UBE2L3: variants seen among roughly 807,000 people sequenced by gnomAD.
UBE2L3 encodes ubiquitin-conjugating enzyme E2 L3.
A neutral mutation model predicts 17.8 loss-of-function variants in UBE2L3; 1 was observed. That is an observed-to-expected ratio of 0.06 (90% CI 0.02 to 0.27). The LOEUF (loss-of-function observed/expected upper bound fraction) is 0.27. UBE2L3 is among the 10% of genes least tolerant of loss of function. The probability of loss-of-function intolerance (pLI) is 1.00; values close to 1 mark genes in which losing one functional copy is unlikely to be tolerated. For missense variants in UBE2L3, 40 were observed against 192.6 expected (o/e 0.21, Z 4.69); for synonymous variants, 44 against 68.5 (o/e 0.64, Z 1.76).
chr22:21,563,434 C>A (rs1158713851), upstream of UBE2L3, among the ~76,000 whole-genome samples: 1 of 143,232 alleles, frequency 7.0e-6, no homozygotes, highest in East Asian at 2.1e-4. Flanking sequence ...TGGTGGCGGG[C>A]TCCCGTAGTC....
At chr22:21,582,924 A>C (rs1189814684) in intron 1 of UBE2L3, among the ~76,000 whole-genome samples, 1 of 152,154 alleles carries the variant, frequency 6.6e-6, no homozygotes, top group Admixed American at 6.5e-5. Flanking sequence ...AGGCTGATGC[A>C]ATAAGCAGGT....
chr22:21,614,427 C>CAA (rs3831682), intron 3 of UBE2L3: 300 of 433,772 alleles, frequency 6.9e-4, no homozygotes, highest in South Asian at 2.5e-3. Flanking sequence ...CCGTCTGTAC[C>CAA]AAAAAAAAAA....
At chr22:21,620,871 G>A (rs943326913) in intron 3 of UBE2L3, among the ~76,000 whole-genome samples, 3 of 152,224 alleles carry the variant, frequency 2.0e-5, no homozygotes, top group Non-Finnish European at 4.4e-5. Context: ...TCCCTGAGCC[G>A]AGCATGGTGC....
rs371067774 is a variant in UBE2L3, at chr22:21,608,981, G to A, written c.124-1876G>A. 8.6e-5 allele frequency among the ~76,000 whole-genome samples: 13 copies of A among 151,760 alleles called. No homozygotes were observed. The East Asian group carries it at 1.4e-3, about 16-fold the overall frequency. On this transcript the variant is annotated intron_variant, in intron 2 of 3. Coordinates refer to ENST00000342192, the MANE Select transcript of UBE2L3 (RefSeq NM_003347.4). ...GCAATCTCCACTCACTGCAAGCTCC[G>A]CTTCCCAGGTTCACACCATTCTCCT...
At chr22:21,593,043 G>C in intron 2 of UBE2L3, 87 bp downstream of exon 2, 3 of 1,177,234 alleles carry the variant, frequency 2.5e-6, no homozygotes, top group Non-Finnish European at 3.8e-6. Flanking sequence ...CTCCTTAGTA[G>C]GCTCTTAGTC....
chr22:21,594,048 G>T (rs947790572), intron 2 of UBE2L3, among the ~76,000 whole-genome samples: 1 of 152,140 alleles, frequency 6.6e-6, no homozygotes, highest in African/African-American at 2.4e-5. Flanking sequence ...CTTGGTCATT[G>T]TGTAGCCTTC....
chr22:21,617,156 A>G (rs1601445126), intron 3 of UBE2L3, among the ~76,000 whole-genome samples: 1 of 151,922 alleles, frequency 6.6e-6, no homozygotes, highest in East Asian at 1.9e-4. Context: ...AAAAAAAAAA[A>G]AAAAAAAGAA....
chr22:21,561,355 C>T (rs423878), intron 1 of UBE2L3, among the ~76,000 whole-genome samples: 4 of 152,234 alleles, frequency 2.6e-5, no homozygotes, highest in Admixed American at 6.5e-5. Context: ...GTGGGAGAAT[C>T]TCTTGAGTCC....
intron 1 of UBE2L3, among the ~76,000 whole-genome samples, chr22:21,586,016 G>C (rs1178596413): frequency 6.6e-6 from 1 of 151,978 alleles, no homozygotes; most frequent in Non-Finnish European, 1.5e-5. Context: ...GCTCACTGCA[G>C]CCTCAACCTT....
intron 1 of UBE2L3, among the ~76,000 whole-genome samples, chr22:21,583,731 G>A (rs1387068841): frequency 1.3e-5 from 2 of 152,276 alleles, no homozygotes; most frequent in Admixed American, 6.5e-5. Flanking sequence ...CCGAGTCAGG[G>A]GGGCTTAGAC....
chr22:21,579,256 T>G (rs2148408837), intron 1 of UBE2L3, among the ~76,000 whole-genome samples: 1 of 152,188 alleles, frequency 6.6e-6, no homozygotes, highest in South Asian at 2.1e-4. Flanking sequence ...CCTCCCAAAG[T>G]GCTGGGATTA....
chr22:21,587,401 G>A lies in UBE2L3; in HGVS notation c.28-5460G>A, dbSNP rs548249448. On this transcript the variant is annotated intron_variant, in intron 1 of 3. Transcript: ENST00000342192. ...AGACGGGGTTTCACCATGTGGTCTC[G>A]ATCTCCTGACCTCGTGATCCACCCG... Among the ~76,000 whole-genome samples, 351 of 151,768 alleles carry A rather than the reference G, an allele frequency of 2.3e-3. 3 individuals carry two copies. The highest frequency in any genetic ancestry group is 7.9e-3 in the African/African-American group (326 of 41,372).
chr22:21,576,878 A>ACTG (rs965631875), intron 1 of UBE2L3, among the ~76,000 whole-genome samples: 6 of 130,892 alleles, frequency 4.6e-5, no homozygotes, highest in Non-Finnish European at 9.2e-5. Flanking sequence ...ATCTTGGCTC[A>ACTG]CTGCAACCTT....
At chr22:21,562,775 G>C (rs1055473889), upstream of UBE2L3, among the ~76,000 whole-genome samples, 1 of 150,436 alleles carries the variant, frequency 6.6e-6, no homozygotes, top group South Asian at 2.1e-4. Context: ...AAGGTGCTGG[G>C]ATTACAGGCG....
chr22:21,557,765 C>A (rs543383577), intron 1 of UBE2L3, among the ~76,000 whole-genome samples: 157 of 152,356 alleles, frequency 1.0e-3, no homozygotes, highest in African/African-American at 3.2e-3. Flanking sequence ...TCGTGATCCA[C>A]CCTCTTTGGC....
At chr22:21,561,555 C>T (rs561266929) in intron 1 of UBE2L3, among the ~76,000 whole-genome samples, 12 of 152,384 alleles carry the variant, frequency 7.9e-5, no homozygotes, top group Admixed American at 3.3e-4. Context: ...ATACTCCAGC[C>T]TGGGTGACAG....
At chr22:21,620,265 T>TA (rs59755576) in intron 3 of UBE2L3, among the ~76,000 whole-genome samples, 4,228 of 147,874 alleles carry the variant, frequency 0.029, 204 homozygotes, top group African/African-American at 0.096. Context: ...TAGCCTAGGT[T>TA]AAAAAAAAAA....
chr22:21,607,352 C>CAAA (rs796650803), intron 2 of UBE2L3, among the ~76,000 whole-genome samples: 24 of 137,854 alleles, frequency 1.7e-4, no homozygotes, highest in African/African-American at 5.8e-4. Context: ...ACTAAAAATA[C>CAAA]AAAAAAAAAA....
chr22:21,556,376 CAAAG>C (rs1392228152), intron 1 of UBE2L3, among the ~76,000 whole-genome samples: 1 of 152,160 alleles, frequency 6.6e-6, no homozygotes, highest in Non-Finnish European at 1.5e-5. Flanking sequence ...GCCTGGGCTA[CAAAG>C]AGACTCCATC....
Sources: allele counts gnomAD v4.1 joint callset (sites outside exome capture counted in the v4.1 genomes callset), GRCh38; gene constraint gnomAD v4.1.1; transcripts MANE v1.5; gene names NCBI Gene and HGNC (gene_info 2026-07-23, HGNC 2026-07-21).